The following MARCHF1 variants were observed in gnomAD, a reference collection of about 807,000 sequenced individuals.
MARCHF1 encodes E3 ubiquitin-protein ligase MARCHF1.
MARCHF1 carries 40 observed loss-of-function variants against 54.2 expected under a neutral mutation model. That is an observed-to-expected ratio of 0.74 (90% confidence interval 0.57 to 0.96). The LOEUF (loss-of-function observed/expected upper bound fraction) is 0.96, where lower values mean the gene tolerates loss of function less well. Ranked by LOEUF, MARCHF1 falls within the 40% of genes least tolerant of loss-of-function variation. The pLI, the probability that MARCHF1 is intolerant of heterozygous loss-of-function variation, is 0.00. For missense variants in MARCHF1, 586 were observed against 656.5 expected (o/e 0.89, Z 1.17); for synonymous variants, 236 against 236.3 (o/e 1.00, Z 0.01).
chr4:164,102,549 C>T (rs1329539349), intron 2 of MARCHF1, among the ~76,000 whole-genome samples: 2 of 150,562 alleles, frequency 1.3e-5, no homozygotes, highest in African/African-American at 4.9e-5. Flanking sequence ...AAATCCTTTA[C>T]AGACAAGCAA....
rs190677703 is a variant in MARCHF1, at chr4:163,796,385, C to T, written c.111+57636G>A. ...GGGATTACAGGTGTATGCCACCATG[C>T]TCGGCTAATTTTTTTGTAGAAAATT... On this transcript the variant is annotated intron_variant, in intron 4 of 9. Coordinates refer to ENST00000514618, the MANE Select transcript of MARCHF1 (RefSeq NM_001394959.1). Among the ~76,000 whole-genome samples, 1,020 of 152,084 alleles carry T rather than the reference C, an allele frequency of 6.7e-3. 8 individuals carry two copies. Among genetic ancestry groups the T allele is most frequent in the South Asian group, 0.03 (145 of 4,814 alleles).
At chr4:163,683,605 C>G (rs1347538819) in intron 5 of MARCHF1, among the ~76,000 whole-genome samples, 1 of 152,142 alleles carries the variant, frequency 6.6e-6, no homozygotes, top group Non-Finnish European at 1.5e-5. Flanking sequence ...TGTATTTACA[C>G]TGATAGGGAA....
intron 4 of MARCHF1, among the ~76,000 whole-genome samples, chr4:163,822,975 C>T (rs915887969): frequency 1.3e-5 from 2 of 151,814 alleles, no homozygotes; most frequent in African/African-American, 2.4e-5. Context: ...TAGAGTCCTC[C>T]TCTCTTTTCC....
intron 2 of MARCHF1, among the ~76,000 whole-genome samples, chr4:164,028,565 C>T (rs1753816080): frequency 6.6e-6 from 1 of 152,038 alleles, no homozygotes; most frequent in Admixed American, 6.6e-5. Flanking sequence ...ACACTGCAAA[C>T]TACTAGAAGG....
At chr4:163,540,653 T>C in intron 9 of MARCHF1, among the ~76,000 whole-genome samples, 1 of 152,192 alleles carries the variant, frequency 6.6e-6, no homozygotes, top group East Asian at 1.9e-4. Flanking sequence ...GAAATAACTT[T>C]TAGCAGCTAC....
chr4:163,694,677 T>C (rs1744565593), intron 5 of MARCHF1, among the ~76,000 whole-genome samples: 1 of 152,154 alleles, frequency 6.6e-6, no homozygotes, highest in Admixed American at 6.6e-5. Context: ...AGATTCCTAT[T>C]ACACATTTTG....
intron 7 of MARCHF1, among the ~76,000 whole-genome samples, chr4:163,596,802 T>TA (rs1188653259): frequency 6.6e-6 from 1 of 152,170 alleles, no homozygotes; most frequent in African/African-American, 2.4e-5. Flanking sequence ...ATTACAAACA[T>TA]ACAATTTGTT....
chr4:163,783,095 C>T (rs1027370955), intron 4 of MARCHF1, among the ~76,000 whole-genome samples: 1 of 152,082 alleles, frequency 6.6e-6, no homozygotes, highest in Non-Finnish European at 1.5e-5. Flanking sequence ...AAAACATTAA[C>T]AAAATATAGC....
At chr4:163,933,297 TTACA>T (rs1751722101) in intron 3 of MARCHF1, 1 of 601,124 alleles carries the variant, frequency 1.7e-6, no homozygotes, top group Non-Finnish European at 3.1e-6. Flanking sequence ...AGAAACCTTT[TTACA>T]TATCTCCATT....
At chr4:163,756,631 C>CCA (rs781654215) in intron 4 of MARCHF1, among the ~76,000 whole-genome samples, 7 of 67,582 alleles carry the variant, frequency 1.0e-4, no homozygotes, top group Non-Finnish European at 1.5e-4. Context: ...GACTCTGTCT[C>CCA]AAAAAAAAAA....
chr4:163,578,125 C>G (rs1370945579), intron 8 of MARCHF1, among the ~76,000 whole-genome samples: 1 of 151,940 alleles, frequency 6.6e-6, no homozygotes, highest in East Asian at 1.9e-4. Flanking sequence ...TCATTTTAAA[C>G]ATAGTTTATG....
chr4:163,534,001 T>G (rs907674063), intron 9 of MARCHF1, among the ~76,000 whole-genome samples: 3 of 152,012 alleles, frequency 2.0e-5, no homozygotes, highest in Non-Finnish European at 4.4e-5. Context: ...TCTCATCCAG[T>G]GCCTTTCTTA....
intron 2 of MARCHF1, among the ~76,000 whole-genome samples, chr4:164,088,698 C>T (rs1028487105): frequency 3.9e-5 from 6 of 152,090 alleles, no homozygotes; most frequent in African/African-American, 1.2e-4. Context: ...CAGATCGCAC[C>T]ACTGCACTCT....
At chr4:164,342,815 A>G (rs1224429759) in intron 1 of MARCHF1, among the ~76,000 whole-genome samples, 1 of 152,104 alleles carries the variant, frequency 6.6e-6, no homozygotes, top group African/African-American at 2.4e-5. Context: ...GCCTTAACAA[A>G]GAAGGAAATG....
At chr4:164,243,173 T>C (rs1303565754) in intron 1 of MARCHF1, among the ~76,000 whole-genome samples, 1 of 134,224 alleles carries the variant, frequency 7.5e-6, no homozygotes, top group Non-Finnish European at 1.6e-5. Flanking sequence ...AGACACATAA[T>C]TGTCAGATTC....
chr4:164,028,851 T>C (rs758491874), intron 2 of MARCHF1, among the ~76,000 whole-genome samples: 7 of 152,216 alleles, frequency 4.6e-5, no homozygotes, highest in Non-Finnish European at 8.8e-5. Flanking sequence ...GTGTTTCTAT[T>C]GTCTCAGAAA....
chr4:164,134,792 T>A (rs1190524778), intron 1 of MARCHF1, among the ~76,000 whole-genome samples: 1 of 148,470 alleles, frequency 6.7e-6, no homozygotes, highest in Non-Finnish European at 1.5e-5. Flanking sequence ...CTTAAAAAAA[T>A]ACGAGATTCA....
chr4:164,250,148 T>A (rs554945162), intron 1 of MARCHF1, among the ~76,000 whole-genome samples: 1 of 152,208 alleles, frequency 6.6e-6, no homozygotes, highest in African/African-American at 2.4e-5. Flanking sequence ...GTAGCACTGA[T>A]TGGAGCTCCA....
chr4:163,829,388 G>A (rs562345993), intron 4 of MARCHF1, among the ~76,000 whole-genome samples: 79 of 152,158 alleles, frequency 5.2e-4, no homozygotes, highest in African/African-American at 1.9e-3. Context: ...AAAATTCAAG[G>A]TGCTTGACTA....
Sources: allele counts gnomAD v4.1 joint callset (sites outside exome capture counted in the v4.1 genomes callset), GRCh38; gene constraint gnomAD v4.1.1; transcripts MANE v1.5; gene names NCBI Gene and HGNC (gene_info 2026-07-23, HGNC 2026-07-21).